CRLF1: variants seen among roughly 807,000 people sequenced by gnomAD.
CRLF1 encodes cytokine receptor-like factor 1.
Under a neutral mutation model 48.9 loss-of-function variants are expected in CRLF1, and 36 were observed. The observed-to-expected ratio is 0.74, with a 90% CI of 0.56 to 0.97. The LOEUF (loss-of-function observed/expected upper bound fraction) is 0.97. Ranked by LOEUF, CRLF1 falls within the 50% of genes least tolerant of loss-of-function variation. The pLI, the probability that CRLF1 is intolerant of heterozygous loss-of-function variation, is 0.00. For missense variants in CRLF1, 534 were observed against 575.1 expected, an observed-to-expected ratio of 0.93 and a Z score of 0.73; for synonymous variants, 256 against 253.4, an observed-to-expected ratio of 1.01 and a Z score of -0.10.
chr19:18,593,484 G>A lies in CRLF1; in HGVS notation c.*82C>T, dbSNP rs894093751. On this transcript the variant is annotated 3_prime_UTR_variant, in exon 9 of 9. Coordinates refer to ENST00000392386, the MANE Select transcript of CRLF1 (RefSeq NM_004750.5). Reference sequence around the variant, plus strand: ...CTGAGGGTGGCTCAGGTGCCCTGAAGTGAGGGTACAGAGGTGGCCCCAGTT... The same window carrying A: ...CTGAGGGTGGCTCAGGTGCCCTGAAATGAGGGTACAGAGGTGGCCCCAGTT... 24 of 1,584,246 alleles carry A rather than the reference G, an allele frequency of 1.5e-5. No individual in the cohort carries two copies. The highest frequency in any genetic ancestry group is 2.0e-5 in the Non-Finnish European group (23 of 1,163,810).
At chr19:18,599,947 T>C (rs757323428) in intron 1 of CRLF1, 101 bp from the exon 2 acceptor site, 1 of 1,202,810 alleles carries the variant, frequency 8.3e-7, no homozygotes, top group Non-Finnish European at 1.1e-6. Context: ...GAAAAGACGC[T>C]GTTAATGATT....
chr19:18,604,353 G>A (rs12461284), intron 1 of CRLF1, among the ~76,000 whole-genome samples: 33,111 of 152,156 alleles, frequency 0.22, 3,992 homozygotes, highest in East Asian at 0.49. Flanking sequence ...AGCCCCAGCC[G>A]GTAAGGTCAG....
intron 6 of CRLF1, among the ~76,000 whole-genome samples, chr19:18,596,048 G>A (rs1976127794): frequency 6.6e-6 from 1 of 152,212 alleles, no homozygotes; most frequent in East Asian, 1.9e-4. Flanking sequence ...TGTAGGCCAT[G>A]CTGTTACATT....
At chr19:18,605,378 C>T (rs1976277931) in intron 1 of CRLF1, among the ~76,000 whole-genome samples, 1 of 152,254 alleles carries the variant, frequency 6.6e-6, no homozygotes, top group African/African-American at 2.4e-5. Context: ...AGCCCGCAAA[C>T]AGCCCAGCAC....
intron 1 of CRLF1, among the ~76,000 whole-genome samples, chr19:18,603,970 T>A (rs1239971734): frequency 6.6e-6 from 1 of 152,162 alleles, no homozygotes; most frequent in Non-Finnish European, 1.5e-5. Context: ...GAATTCCTTT[T>A]GCATGAACTC....
At chr19:18,593,987 G>A (rs1250564250) in intron 8 of CRLF1, 78 bp downstream of exon 8, 11 of 1,525,212 alleles carry the variant, frequency 7.2e-6, no homozygotes, top group African/African-American at 4.1e-5. Flanking sequence ...GAGGCGTGGG[G>A]GTGTGAACAA....
Position 18,599,711 on chromosome 19 carries a change from G to A in CRLF1, c.251C>T (p.Pro84Leu). ...LYWTLNGRRL[P>L]PELSRVLNAS... ...GTTGAGTACACGGGAGAGCTCAGGGGGCAGGCGGCGCCCGTTGAGGGTCCA... is the reference window on the plus strand; with the variant it reads ...GTTGAGTACACGGGAGAGCTCAGGGAGCAGGCGGCGCCCGTTGAGGGTCCA... Residue 84 changes from proline (P) to leucine (L), a missense_variant, in exon 2 of 9, where the codon CCC becomes CTC. This residue lies in a region of CRLF1 where 528 missense variants were observed against 555.7 expected (regional missense o/e 0.95). Coordinates refer to ENST00000392386, the MANE Select transcript of CRLF1 (RefSeq NM_004750.5). 1 of 1,609,752 alleles carries A rather than the reference G, an allele frequency of 6.2e-7. No homozygotes were observed. Among genetic ancestry groups the A allele is most frequent in the Non-Finnish European group, 8.5e-7 (1 of 1,178,298 alleles).
chr19:18,602,948 T>C (rs1359174077), intron 1 of CRLF1, among the ~76,000 whole-genome samples: 1 of 152,216 alleles, frequency 6.6e-6, no homozygotes, highest in Non-Finnish European at 1.5e-5. Context: ...TGACCTCCAG[T>C]GATCCACCCG....
Position 18,593,704 on chromosome 19 carries a change from G to T in CRLF1, c.1256-125C>A, listed in dbSNP as rs565001675. On this transcript the variant is annotated intron_variant, in intron 8 of 8. Transcript: ENST00000392386. ...TTCTGGCTGTGTGACTTTGGGCAGG[G>T]TCCTGCCCCTCTCCGGGCCTTGGCG... 43 of 1,530,488 alleles carry T rather than the reference G, an allele frequency of 2.8e-5. No individual in the cohort carries two copies. The Admixed American group carries it at 5.1e-4, about 18-fold the overall frequency. The allele number at this position is 1,530,488 out of a possible 1,614,324, so 94.8% of individuals were successfully genotyped here. A position where few individuals can be genotyped will look rare whatever the true frequency, so the allele number is the denominator to read the frequency against.
intron 4 of CRLF1, 65 bp downstream of exon 4, chr19:18,598,367 C>T: frequency 1.3e-6 from 2 of 1,548,452 alleles, no homozygotes; most frequent in Non-Finnish European, 1.8e-6. Context: ...GCAGGGGACC[C>T]CTCGGGATGC....
chr19:18,598,323 G>A (rs1976170052), intron 4 of CRLF1, 109 bp downstream of exon 4: 2 of 1,235,256 alleles, frequency 1.6e-6, no homozygotes, highest in Non-Finnish European at 2.2e-6. Context: ...GGGCTGGGGA[G>A]GGGCAGGTGG....
chr19:18,603,725 C>T (rs532950955), intron 1 of CRLF1, among the ~76,000 whole-genome samples: 5 of 152,158 alleles, frequency 3.3e-5, no homozygotes, highest in Non-Finnish European at 5.9e-5. Flanking sequence ...GTTCTTGGGC[C>T]GGCCCTGATG....
chr19:18,605,108 C>A (rs1188221151), intron 1 of CRLF1, among the ~76,000 whole-genome samples: 1 of 152,070 alleles, frequency 6.6e-6, no homozygotes, highest in African/African-American at 2.4e-5. Flanking sequence ...TATTTAATTT[C>A]TTCCCCCCTT....
At chr19:18,595,191 C>T (rs1031814045) in intron 6 of CRLF1, among the ~76,000 whole-genome samples, 1 of 152,216 alleles carries the variant, frequency 6.6e-6, no homozygotes, top group Non-Finnish European at 1.5e-5. Flanking sequence ...GGCACGGCCC[C>T]GGCCCCCGCC....
chr19:18,593,825 G>A, intron 8 of CRLF1: 2 of 985,328 alleles, frequency 2.0e-6, no homozygotes, highest in Non-Finnish European at 2.4e-6. Context: ...CATTCATTTC[G>A]GAGGAGATTC....
At chr19:18,598,747 A>T in intron 3 of CRLF1, 25 bp downstream of exon 3, 1 of 1,614,108 alleles carries the variant, frequency 6.2e-7, no homozygotes, top group Non-Finnish European at 8.5e-7. Flanking sequence ...TGGGACACAC[A>T]CATCGCCCTC....
intron 1 of CRLF1, among the ~76,000 whole-genome samples, chr19:18,604,306 CCAGGCGGGCCTGGA>C (rs1422650328): frequency 1.3e-5 from 2 of 152,196 alleles, no homozygotes; most frequent in Non-Finnish European, 2.9e-5. Flanking sequence ...GAAGGCAAGG[CCAGGCGGGCCTGGA>C]CAGACCAATC....
At chr19:18,602,007 T>C (rs962074272) in intron 1 of CRLF1, among the ~76,000 whole-genome samples, 4 of 152,226 alleles carry the variant, frequency 2.6e-5, no homozygotes, top group Non-Finnish European at 4.4e-5. Context: ...TTTCCTCATC[T>C]GCAAAGTGAG....
At chr19:18,593,957 G>A in intron 8 of CRLF1, 108 bp downstream of exon 8, 1 of 1,497,784 alleles carries the variant, frequency 6.7e-7, no homozygotes. Context: ...CCATCTCAGC[G>A]ACTCTAAGGC....
Sources: gnomAD v4.1 joint callset for allele counts (sites outside exome capture counted in the v4.1 genomes callset) on GRCh38, gnomAD v4.1.1 for gene constraint, gnomAD v4.1.1 regional missense constraint, MANE v1.5 for transcripts, NCBI Gene and HGNC (gene_info 2026-07-23, HGNC 2026-07-21) for gene names.